The following OLR1 variants were observed in gnomAD, a reference collection of about 807,000 sequenced individuals.
OLR1 encodes the protein oxidized low-density lipoprotein receptor 1.
In OLR1, 23 loss-of-function variants were observed where a neutral mutation model predicts 31.7. The ratio of observed to expected loss-of-function variants is 0.72; its 90% confidence interval spans 0.52 to 1.03. The LOEUF (loss-of-function observed/expected upper bound fraction) is 1.03. Ranked by LOEUF, OLR1 falls within the 50% of genes least tolerant of loss-of-function variation. OLR1 has a pLI of 0.00. For missense variants in OLR1, 286 were observed against 315.7 expected, an observed-to-expected ratio of 0.91 and a Z score of 0.71; for synonymous variants, 117 against 115.8, an observed-to-expected ratio of 1.01 and a Z score of -0.07.
chr12:10,171,906 G>A, intron 1 of OLR1, 96 bp downstream of exon 1: 1 of 816,370 alleles, frequency 1.2e-6, no homozygotes, highest in South Asian at 1.5e-5. Context: ...TCCCATACTT[G>A]GGTGTTTAGC....
upstream of OLR1, among the ~76,000 whole-genome samples, chr12:10,173,176 G>A (rs1948737638): frequency 6.6e-6 from 1 of 152,262 alleles, no homozygotes; most frequent in East Asian, 1.9e-4. Context: ...TGTATTTACT[G>A]ATAGAATACT....
At chr12:10,166,268 C>T (rs35567600) in intron 3 of OLR1, among the ~76,000 whole-genome samples, 5,380 of 151,842 alleles carry the variant, frequency 0.035, 234 homozygotes, top group African/African-American at 0.097. Context: ...TGGCTCATGC[C>T]TGTAATCCTA....
At chr12:10,163,596 T>G (rs1360807702) in intron 3 of OLR1, among the ~76,000 whole-genome samples, 1 of 143,162 alleles carries the variant, frequency 7.0e-6, no homozygotes, top group Non-Finnish European at 1.5e-5. Flanking sequence ...TTTTTTTTTT[T>G]CTGTATGTGG....
In OLR1 at chr12:10,159,035, G is replaced by C. The variant is rs1948597593; in HGVS notation, c.*845C>G. On this transcript the variant is annotated 3_prime_UTR_variant, in exon 6 of 6. Coordinates refer to ENST00000309539, the MANE Select transcript of OLR1 (RefSeq NM_002543.4). ...TTCGGAATTATAGCATAGCAAAACA[G>C]AGTTGAGAAGAGTTCATCTACAAAA... is the stretch of plus-strand genomic sequence containing the variant. The C allele has an allele frequency of 6.6e-6, 1 of 152,126 alleles. No homozygotes were observed. The highest frequency in any genetic ancestry group is 1.5e-5 in the Non-Finnish European group (1 of 68,028). The allele number at this position is 152,126 out of a possible 1,614,324, so 9.4% of individuals were successfully genotyped here.
intron 3 of OLR1, among the ~76,000 whole-genome samples, chr12:10,166,455 G>T (rs141745569): frequency 2.0e-5 from 3 of 151,524 alleles, no homozygotes; most frequent in East Asian, 1.9e-4. Context: ...TTGAACCCAG[G>T]GGGTGGAGGT....
chr12:10,173,523 T>C (rs1026829905), upstream of OLR1, among the ~76,000 whole-genome samples: 5 of 144,890 alleles, frequency 3.5e-5, no homozygotes, highest in Admixed American at 2.1e-4. Flanking sequence ...CTCATGCCTG[T>C]AATCTCAGCA....
upstream of OLR1, among the ~76,000 whole-genome samples, chr12:10,175,119 T>C (rs1948756647): frequency 6.6e-6 from 1 of 152,184 alleles, no homozygotes; most frequent in East Asian, 1.9e-4. Flanking sequence ...GTTCATGATC[T>C]TGTGTAATCC....
intron 4 of OLR1, 31 bp downstream of exon 4, chr12:10,160,755 T>G: frequency 6.2e-7 from 1 of 1,608,228 alleles, no homozygotes; most frequent in Admixed American, 1.7e-5. Flanking sequence ...CAACCAATAC[T>G]CCACCCCAAC....
intron 2 of OLR1, 73 bp from the exon 3 acceptor site, chr12:10,167,030 CA>C (rs2137515877): frequency 1.4e-6 from 2 of 1,416,514 alleles, no homozygotes; most frequent in African/African-American, 2.9e-5. Context: ...TTGAGGAAAT[CA>C]AAACAGAATT....
chr12:10,169,092 T>C lies in OLR1; in HGVS notation c.160A>G (p.Met54Val), dbSNP rs772513636. Residue 54 changes from methionine to valine, a missense_variant, in exon 2 of 6, where the codon ATG (methionine) becomes GTG (valine). Physicochemically the swap from Met to Val is conservative, Grantham distance 21. Transcript: ENST00000309539. ...VLCLGLVVTI[M>V]VLGMQLSQVS... ...CACTTACATTGCATGCCCAGCACCA[T>C]AATGGTCACTACTAATCCCAGGCAA... 1 of 1,612,612 alleles carries C rather than the reference T, an allele frequency of 6.2e-7. No homozygotes were observed. The highest frequency in any genetic ancestry group is 8.5e-7 in the Non-Finnish European group (1 of 1,179,420).
rs1426318055 is a variant in OLR1 at position 10,158,495 on chromosome 12, G to A, written c.*1385C>T. 6.6e-6 allele frequency: 1 copy of A among 151,620 alleles called. No homozygotes were observed. Among genetic ancestry groups the A allele is most frequent in the Non-Finnish European group, 1.5e-5 (1 of 67,906 alleles). 9.4% of individuals were successfully genotyped at this position (151,620 alleles called of 1,614,324 possible). On this transcript the variant is annotated 3_prime_UTR_variant, in exon 6 of 6. Transcript: ENST00000309539. ...CTCAAAATAATTATGCAAAGTGAAA[G>A]AAGCCAGACAAAAAAAAAAGACATA... is the stretch of plus-strand genomic sequence containing the variant.
rs1161095451 is a variant in OLR1 at position 10,159,857 on chromosome 12, C to G, written c.*23G>C. Reference sequence around the variant, plus strand: ...CAGAATAAAACTCAAAGACTTTTTTCTTTTCTTCCAGAGCCTTCAAATTCA... The same window carrying G: ...CAGAATAAAACTCAAAGACTTTTTTGTTTTCTTCCAGAGCCTTCAAATTCA... On this transcript the variant is annotated 3_prime_UTR_variant, in exon 6 of 6. Coordinates refer to ENST00000309539, the MANE Select transcript of OLR1 (RefSeq NM_002543.4). 1.7e-5 allele frequency: 26 copies of G among 1,573,164 alleles called. No individual in the cohort carries two copies. The highest frequency in any genetic ancestry group is 2.2e-5 in the Non-Finnish European group (25 of 1,158,816).
At chr12:10,171,410 T>A (rs1011243258) in intron 1 of OLR1, among the ~76,000 whole-genome samples, 1 of 152,224 alleles carries the variant, frequency 6.6e-6, no homozygotes, top group Non-Finnish European at 1.5e-5. Flanking sequence ...AAACAGAACT[T>A]ACAATTTTTC....
intron 3 of OLR1, among the ~76,000 whole-genome samples, chr12:10,162,586 G>T (rs558199268): frequency 2.0e-5 from 3 of 152,266 alleles, no homozygotes; most frequent in African/African-American, 7.2e-5. Flanking sequence ...CCACCACTTT[G>T]GGAGGCTGAG....
chr12:10,172,189 A>C, upstream of OLR1: 1 of 707,432 alleles, frequency 1.4e-6, no homozygotes. Flanking sequence ...CTAATAGAAG[A>C]ATGACTCAAT....
At chr12:10,174,162 G>A (rs74821770), upstream of OLR1, among the ~76,000 whole-genome samples, 3 of 152,266 alleles carry the variant, frequency 2.0e-5, no homozygotes, top group African/African-American at 7.2e-5. Flanking sequence ...CTGGGTTCAA[G>A]CAATTCTCCT....
At chr12:10,161,268 G>A (rs537760993) in intron 3 of OLR1, among the ~76,000 whole-genome samples, 17 of 152,130 alleles carry the variant, frequency 1.1e-4, no homozygotes, top group Non-Finnish European at 2.9e-5. Flanking sequence ...CAACCTAAAT[G>A]TACTTCTCAT....
At chr12:10,169,744 G>A (rs1948694060) in intron 1 of OLR1, among the ~76,000 whole-genome samples, 1 of 152,008 alleles carries the variant, frequency 6.6e-6, no homozygotes, top group African/African-American at 2.4e-5. Flanking sequence ...CCTGGAACTG[G>A]GGTTATTAAT....
Position 10,172,046 on chromosome 12 carries a change from A to T in OLR1, c.32T>A (p.Val11Glu), listed in dbSNP as rs779706155. 6.2e-7 allele frequency: 1 copy of T among 1,613,760 alleles called. No homozygotes were observed. The highest frequency in any genetic ancestry group is 8.5e-7 in the Non-Finnish European group (1 of 1,179,838). Residue 11 changes from valine to glutamate, a missense_variant, in exon 1 of 6, where the codon GTG becomes GAG. Transcript: ENST00000309539. ...TGACTTCTCATCAGGCTGGTCCTTC[A>T]CAGTCTGGATCTTTAGGTCATCAAA... MTFDDLKIQT[V>E]KDQPDEKSNG... is the part of the protein sequence containing the mutation.
Sources: gnomAD v4.1 joint callset for allele counts (sites outside exome capture counted in the v4.1 genomes callset) on GRCh38, gnomAD v4.1.1 for gene constraint, MANE v1.5 for transcripts, NCBI Gene and HGNC (gene_info 2026-07-23, HGNC 2026-07-21) for gene names.